COL5A2: variants seen among roughly 807,000 people sequenced by gnomAD.
COL5A2 encodes the protein collagen type V alpha 2 chain, also known as collagen alpha-2(V) chain.
A neutral mutation model predicts 208.2 loss-of-function variants in COL5A2; 23 were observed. The ratio of observed to expected loss-of-function variants is 0.11; its 90% CI spans 0.08 to 0.16. The LOEUF is 0.16. Among genes scored for constraint, COL5A2 ranks in the 10% least tolerant of loss-of-function variants. The pLI is 1.00. For missense variants in COL5A2, 1,590 were observed against 1,956.4 expected (o/e 0.81, Z 3.53); for synonymous variants, 625 against 628.5 (o/e 0.99, Z 0.08).
chr2:189,238,813 T>C, the COL5A2 span, among the ~76,000 whole-genome samples: 24 of 152,194 alleles, frequency 1.6e-4, no homozygotes, highest in African/African-American at 5.5e-4. Flanking sequence ...ATGATCCAAC[T>C]ACTCTCCACC....
the COL5A2 span, among the ~76,000 whole-genome samples, chr2:189,245,301 C>G: frequency 6.6e-6 from 1 of 151,968 alleles, no homozygotes; most frequent in Admixed American, 6.6e-5. Flanking sequence ...AAAGATGTTA[C>G]TTCTTTGGTT....
At chr2:189,385,643 C>T in the COL5A2 span, among the ~76,000 whole-genome samples, 46 of 150,848 alleles carry the variant, frequency 3.0e-4, no homozygotes, top group African/African-American at 1.0e-3. Flanking sequence ...CATACAGAAT[C>T]GAAAAAAAAA....
At chr2:189,370,345 T>A in the COL5A2 span, among the ~76,000 whole-genome samples, 1 of 152,172 alleles carries the variant, frequency 6.6e-6, no homozygotes, top group East Asian at 1.9e-4. Context: ...TTTCATAGAG[T>A]CATTATAAGA....
intron 1 of COL5A2, among the ~76,000 whole-genome samples, chr2:189,147,071 T>G (rs1346931379): frequency 1.3e-5 from 2 of 152,152 alleles, no homozygotes; most frequent in East Asian, 3.8e-4. Flanking sequence ...ATCCTAAATA[T>G]AAAATTGTAT....
the COL5A2 span, chr2:189,311,587 G>C: frequency 2.5e-6 from 3 of 1,202,510 alleles, no homozygotes; most frequent in South Asian, 3.9e-5. Context: ...CCCTCAGGCT[G>C]TTCTCCAAGC....
chr2:189,117,674 AT>A, intron 1 of COL5A2, among the ~76,000 whole-genome samples: 1 of 152,036 alleles, frequency 6.6e-6, no homozygotes, highest in Non-Finnish European at 1.5e-5. Context: ...TACCAAAAAA[AT>A]TGCACATGAC....
the COL5A2 span, among the ~76,000 whole-genome samples, chr2:189,336,869 A>G: frequency 6.6e-6 from 1 of 152,240 alleles, no homozygotes; most frequent in Admixed American, 6.5e-5. Context: ...AACATTAAAT[A>G]AACATAAAAA....
chr2:189,161,110 G>A (rs547331458), intron 1 of COL5A2, among the ~76,000 whole-genome samples: 67 of 150,616 alleles, frequency 4.4e-4, no homozygotes, highest in Non-Finnish European at 8.6e-4. Context: ...GTGGGCCACC[G>A]CGCCCGGCTG....
At chr2:189,317,063 A>G in the COL5A2 span, among the ~76,000 whole-genome samples, 8 of 152,070 alleles carry the variant, frequency 5.3e-5, no homozygotes, top group African/African-American at 1.9e-4. Flanking sequence ...GCGTACATTC[A>G]TATTTTTATT....
intron 47 of COL5A2, among the ~76,000 whole-genome samples, chr2:189,044,312 T>C (rs961766518): frequency 1.3e-5 from 2 of 152,130 alleles, no homozygotes; most frequent in African/African-American, 4.8e-5. Flanking sequence ...TCAGTAGCTT[T>C]TGCATATTTT....
At chr2:189,063,308 G>C (rs758914451) in intron 26 of COL5A2, 38 bp from the exon 27 acceptor site, 3 of 1,552,618 alleles carry the variant, frequency 1.9e-6, no homozygotes, top group Non-Finnish European at 2.7e-6. Flanking sequence ...TTTCATGTAA[G>C]TTGTTTCTAA....
chr2:189,350,314 C>T, the COL5A2 span, among the ~76,000 whole-genome samples: 6 of 152,068 alleles, frequency 3.9e-5, no homozygotes, highest in African/African-American at 1.4e-4. Context: ...CAATCTGTTT[C>T]TTAAGACACT....
In COL5A2 at chr2:189,042,780, A is replaced by C; in HGVS notation, c.3472-7T>G. 6.2e-7 allele frequency: 1 copy of C among 1,602,946 alleles called. No homozygotes were observed. The highest frequency in any genetic ancestry group is 8.5e-7 in the Non-Finnish European group (1 of 1,173,102). On this transcript the variant is annotated splice_polypyrimidine_tract_variant and splice_region_variant and intron_variant, in intron 48 of 53. Coordinates refer to ENST00000374866, the MANE Select transcript of COL5A2 (RefSeq NM_000393.5). ...CTTGTTCACCATTTGGACCCTAAGT[A>C]GGAATACAATAAAAAATGTTGCCAA...
chr2:189,177,428 A>T (rs184889764), intron 1 of COL5A2, among the ~76,000 whole-genome samples: 1 of 152,364 alleles, frequency 6.6e-6, no homozygotes, highest in Non-Finnish European at 1.5e-5. Flanking sequence ...TATGCATAGT[A>T]AGTAAGTACA....
At chr2:189,049,601 G>C in intron 43 of COL5A2, 147 bp from the exon 44 acceptor site, 1 of 697,424 alleles carries the variant, frequency 1.4e-6, no homozygotes, top group Non-Finnish European at 2.5e-6. Flanking sequence ...TAATCATAAT[G>C]CTTTCTTAGA....
intron 1 of COL5A2, among the ~76,000 whole-genome samples, chr2:189,171,665 G>A (rs1688577009): frequency 6.6e-6 from 1 of 152,140 alleles, no homozygotes; most frequent in Admixed American, 6.5e-5. Context: ...ATTAAGTTTT[G>A]GATACACTGA....
intron 1 of COL5A2, among the ~76,000 whole-genome samples, chr2:189,156,384 A>T (rs889159782): frequency 1.3e-5 from 2 of 152,184 alleles, no homozygotes; most frequent in Non-Finnish European, 2.9e-5. Flanking sequence ...ATATATACTG[A>T]CAACTGCAGA....
At chr2:189,127,204 A>G (rs1687623649) in intron 1 of COL5A2, among the ~76,000 whole-genome samples, 1 of 152,048 alleles carries the variant, frequency 6.6e-6, no homozygotes, top group Non-Finnish European at 1.5e-5. Flanking sequence ...GACAAAAAAA[A>G]GGAAAGCAAA....
the COL5A2 span, among the ~76,000 whole-genome samples, chr2:189,360,430 TG>T: frequency 3.3e-5 from 5 of 152,192 alleles, no homozygotes; most frequent in Non-Finnish European, 7.4e-5. Context: ...TGGTATGTTG[TG>T]TTTCCATTTT....
Sources: gnomAD v4.1 joint callset for allele counts (sites outside exome capture counted in the v4.1 genomes callset) on GRCh38, gnomAD v4.1.1 for gene constraint, MANE v1.5 for transcripts, NCBI Gene and HGNC (gene_info 2026-07-23, HGNC 2026-07-21) for gene names.